The following ZFHX4 variants were observed in gnomAD, a reference collection of about 807,000 sequenced individuals.
ZFHX4 encodes the protein zinc finger homeobox 4, also known as zinc finger homeobox protein 4.
Under a neutral mutation model 267.6 loss-of-function variants are expected in ZFHX4, and 56 were observed. The observed-to-expected ratio is 0.21, with a 90% CI of 0.17 to 0.26. The LOEUF (loss-of-function observed/expected upper bound fraction) is 0.26, where lower values mean the gene tolerates loss of function less well. ZFHX4 is among the 10% of genes least tolerant of loss of function. The pLI, the probability that ZFHX4 is intolerant of heterozygous loss-of-function variation, is 1.00. For missense variants in ZFHX4, 4,332 were observed against 4,420.0 expected (o/e 0.98, Z 0.56); for synonymous variants, 1,778 against 1,665.6 (o/e 1.07, Z -1.64).
At chr8:76,797,632 C>T (rs1237752427) in intron 4 of ZFHX4, among the ~76,000 whole-genome samples, 2 of 152,104 alleles carry the variant, frequency 1.3e-5, no homozygotes, top group African/African-American at 4.8e-5. Flanking sequence ...ACTTGTTCTG[C>T]TGAACAAGGT....
chr8:76,855,060 T>C lies in ZFHX4; in HGVS notation c.8139T>C (p.Pro2713=). 1.2e-6 allele frequency: 2 copies of C among 1,613,942 alleles called. No individual in the cohort carries two copies. The highest frequency in any genetic ancestry group is 4.5e-5 in the East Asian group (2 of 44,840). ...CAGGTTACAGCTTGCCACCAAGCCCTTTAATATCCACCGAAGATGGGGGAG... is the reference window on the plus strand; with the variant it reads ...CAGGTTACAGCTTGCCACCAAGCCCCTTAATATCCACCGAAGATGGGGGAG... ...KQAGYSLPPS[P]LISTEDGGES... Residue 2713 remains proline (P), a synonymous_variant, in exon 10 of 11, where the codon CCT becomes CCC. Coordinates refer to ENST00000651372, the MANE Select transcript of ZFHX4 (RefSeq NM_024721.5).
chr8:76,682,626 G>T (rs1224004211), intron 1 of ZFHX4: 1 of 152,552 alleles, frequency 6.6e-6, no homozygotes, highest in Non-Finnish European at 1.5e-5. Flanking sequence ...GACGCCCGCG[G>T]CTTGGGGTCA....
chr8:76,686,939 TC>T (rs1269799455), intron 1 of ZFHX4, among the ~76,000 whole-genome samples: 1 of 151,940 alleles, frequency 6.6e-6, no homozygotes, highest in Admixed American at 6.6e-5. Flanking sequence ...GGAGAGGGTT[TC>T]CCCCCCTTCT....
intron 4 of ZFHX4, among the ~76,000 whole-genome samples, chr8:76,823,709 G>A (rs1408961407): frequency 2.0e-5 from 3 of 152,116 alleles, no homozygotes; most frequent in Non-Finnish European, 2.9e-5. Flanking sequence ...AAACTTTACT[G>A]CATCTTAGGT....
rs752887213 is a variant in ZFHX4 at position 76,797,882 on chromosome 8, C to CTATATGTGTG, written c.3325+19444_3325+19445insATATGTGTGT. 3.5e-3 allele frequency among the ~76,000 whole-genome samples: 471 copies of CTATATGTGTG among 135,656 alleles called. 1 individual carries two copies. Among genetic ancestry groups the CTATATGTGTG allele is most frequent in the South Asian group, 9.4e-3 (38 of 4,058 alleles). The allele number at this position is 135,656 out of a possible 152,430, so 89.0% of individuals were successfully genotyped here. A position where few individuals can be genotyped will look rare whatever the true frequency, so the allele number is the denominator to read the frequency against. ...ATTTGTGGAGTTTTGGGGTGTGTGT[C>CTATATGTGTG]TGTATGTGTGTGTGTGTGTGTGTGT... On this transcript the variant is annotated intron_variant, in intron 4 of 10. Transcript: ENST00000651372.
At chr8:76,760,711 T>C (rs1462128390) in intron 3 of ZFHX4, among the ~76,000 whole-genome samples, 2 of 152,026 alleles carry the variant, frequency 1.3e-5, no homozygotes, top group African/African-American at 2.4e-5. Context: ...GAGGATCACA[T>C]GAGTCCAGGA....
At chr8:76,735,700 A>C (rs1241500444) in intron 3 of ZFHX4, among the ~76,000 whole-genome samples, 1 of 152,090 alleles carries the variant, frequency 6.6e-6, no homozygotes, top group Non-Finnish European at 1.5e-5. Context: ...GATTGTCTCA[A>C]AGTGTTAGCT....
In ZFHX4 at chr8:76,851,734, A is replaced by G. The variant is rs930916454; in HGVS notation, c.4813A>G (p.Ser1605Gly). 2 of 1,613,862 alleles carry G rather than the reference A, an allele frequency of 1.2e-6. No homozygotes were observed. ...CATCTGCAATGTTGCATACAGCCAAAGCTCAACATTGGAAATCCACATGAG... is the reference window on the plus strand; with the variant it reads ...CATCTGCAATGTTGCATACAGCCAAGGCTCAACATTGGAAATCCACATGAG... ...CSICNVAYSQSSTLEIHMRSV... is the reference protein window; with the variant it reads ...CSICNVAYSQGSTLEIHMRSV... Residue 1605 changes from serine to glycine, a missense_variant, in exon 10 of 11, where the codon AGC becomes GGC. Coordinates refer to ENST00000651372, the MANE Select transcript of ZFHX4 (RefSeq NM_024721.5).
rs186024712 is a variant in ZFHX4, at chr8:76,787,833, A to G, written c.3325+9394A>G. On this transcript the variant is annotated intron_variant, in intron 4 of 10. Transcript: ENST00000651372. Reference sequence around the variant, plus strand: ...GCCTCAAAAAAAGAAAAAAGAAAATATGACTGAAAGCATGAGCCAGGCTTA... The same window carrying G: ...GCCTCAAAAAAAGAAAAAAGAAAATGTGACTGAAAGCATGAGCCAGGCTTA... Among the ~76,000 whole-genome samples the G allele has an allele frequency of 1.1e-4, 17 of 151,884 alleles. No individual in the cohort carries two copies. The East Asian group carries it at 3.1e-3, about 28-fold the overall frequency.
chr8:76,695,871 C>T (rs549575844), intron 1 of ZFHX4, among the ~76,000 whole-genome samples: 32 of 152,332 alleles, frequency 2.1e-4, no homozygotes, highest in African/African-American at 7.0e-4. Context: ...GATAGCTGCA[C>T]TAATTGCTGC....
chr8:76,775,820 A>T (rs2131764401), intron 3 of ZFHX4, among the ~76,000 whole-genome samples: 1 of 152,002 alleles, frequency 6.6e-6, no homozygotes, highest in South Asian at 2.1e-4. Flanking sequence ...GGCTTGCTCC[A>T]GAGTAGAGCA....
chr8:76,749,740 C>A (rs1157817137), intron 3 of ZFHX4, among the ~76,000 whole-genome samples: 3 of 152,074 alleles, frequency 2.0e-5, no homozygotes, highest in Non-Finnish European at 4.4e-5. Flanking sequence ...TTACCCAATA[C>A]ATGTTGTTTA....
intron 1 of ZFHX4, among the ~76,000 whole-genome samples, chr8:76,684,142 A>T (rs1807630571): frequency 6.6e-6 from 1 of 151,634 alleles, no homozygotes; most frequent in Non-Finnish European, 1.5e-5. Context: ...CAGAAAGGAG[A>T]TATTCGGAAT....
chr8:76,762,932 T>A (rs1399266537), intron 3 of ZFHX4, among the ~76,000 whole-genome samples: 3 of 152,206 alleles, frequency 2.0e-5, no homozygotes, highest in Non-Finnish European at 4.4e-5. Flanking sequence ...GATATTATTC[T>A]TTCTCTAGAA....
intron 1 of ZFHX4, among the ~76,000 whole-genome samples, chr8:76,682,266 G>C (rs912895414): frequency 4.6e-5 from 7 of 152,080 alleles, no homozygotes; most frequent in African/African-American, 1.2e-4. Flanking sequence ...ATTCAGCCTC[G>C]TTTTTCTTCC....
At chr8:76,818,523 C>T (rs1425677058) in intron 4 of ZFHX4, among the ~76,000 whole-genome samples, 1 of 152,138 alleles carries the variant, frequency 6.6e-6, no homozygotes, top group Non-Finnish European at 1.5e-5. Context: ...GTTTTAGAAG[C>T]AAGAGGACCT....
At chr8:76,752,169 A>G (rs1214136658) in intron 3 of ZFHX4, among the ~76,000 whole-genome samples, 1 of 152,194 alleles carries the variant, frequency 6.6e-6, no homozygotes, top group African/African-American at 2.4e-5. Context: ...TGAAAGTTCT[A>G]TGAAGTCTAG....
In ZFHX4 at chr8:76,707,893, G is replaced by C. The variant is rs1172153543; in HGVS notation, c.2938G>C (p.Gly980Arg). 2.5e-6 allele frequency: 4 copies of C among 1,613,912 alleles called. No homozygotes were observed. Among genetic ancestry groups the C allele is most frequent in the Non-Finnish European group, 3.4e-6 (4 of 1,179,942 alleles). The change falls in exon 3 of 11, where the codon GGG (glycine) becomes CGG (arginine). Residue 980 changes from glycine (G) to arginine (R), a missense_variant. By Grantham distance (125) the Gly-to-Arg change is moderately radical (BLOSUM62 -2). Transcript: ENST00000651372. ...KYQLVAHIKE[G>R]GKSNEWRLKC... is the part of the protein sequence containing the mutation. Reference sequence around the variant, plus strand: ...TCAACTGGTGGCTCACATTAAAGAAGGGGGCAAAAGCAATGAGTGGAGGTT... The same window carrying C: ...TCAACTGGTGGCTCACATTAAAGAACGGGGCAAAAGCAATGAGTGGAGGTT...
intron 4 of ZFHX4, among the ~76,000 whole-genome samples, chr8:76,794,269 A>G (rs1022321743): frequency 6.6e-6 from 1 of 152,138 alleles, no homozygotes; most frequent in East Asian, 1.9e-4. Context: ...TTATGCAGTG[A>G]TACTAAGATG....
Sources: gnomAD v4.1 joint callset for allele counts (sites outside exome capture counted in the v4.1 genomes callset) on GRCh38, gnomAD v4.1.1 for gene constraint, MANE v1.5 for transcripts, NCBI Gene and HGNC (gene_info 2026-07-23, HGNC 2026-07-21) for gene names.